Variants in ARPC1A observed in about 807,000 individuals in gnomAD.
ARPC1A encodes actin related protein 2/3 complex subunit 1A, also known as actin-related protein 2/3 complex subunit 1A.
In ARPC1A, 8 loss-of-function variants were observed where a neutral mutation model predicts 46.9. That is an observed-to-expected ratio of 0.17 (90% CI 0.10 to 0.31). The LOEUF (loss-of-function observed/expected upper bound fraction) is 0.31, where lower values mean the gene tolerates loss of function less well. ARPC1A is among the 10% of genes least tolerant of loss of function. The pLI, the probability that ARPC1A is intolerant of heterozygous loss-of-function variation, is 1.00. For synonymous variants in ARPC1A, 152 were observed against 169.0 expected, an observed-to-expected ratio of 0.90 and a Z score of 0.78; for missense variants, 286 against 483.6, an observed-to-expected ratio of 0.59 and a Z score of 3.83.
intron 4 of ARPC1A, among the ~76,000 whole-genome samples, chr7:99,345,306 G>A (rs944891604): frequency 1.3e-5 from 2 of 152,056 alleles, no homozygotes; most frequent in Non-Finnish European, 2.9e-5. Context: ...TTAAACTGTT[G>A]AAGTCAAAAC....
At chr7:99,344,917 G>A (rs1405956646) in intron 4 of ARPC1A, among the ~76,000 whole-genome samples, 1 of 29,596 alleles carries the variant, frequency 3.4e-5, no homozygotes, top group Admixed American at 3.5e-4. Context: ...AGATAACAAT[G>A]TTCTTTTTTT....
chr7:99,344,375 T>G lies in ARPC1A; in HGVS notation c.252T>G (p.Gly84=). The G allele has an allele frequency of 6.2e-7, 1 of 1,614,002 alleles. No individual in the cohort carries two copies. Among genetic ancestry groups the G allele is most frequent in the Non-Finnish European group, 8.5e-7 (1 of 1,179,878 alleles). ...CCTATGTCTGGAGTCAGAAAGATGG[T>G]GTTTGGAAGCCAACCCTGGTGATCC... The part of the protein sequence containing the change: ...RNAYVWSQKD[G]VWKPTLVILR... The change falls in exon 4 of 10, where the codon GGT becomes GGG. Residue 84 remains glycine (G), a synonymous_variant. Transcript: ENST00000262942.
chr7:99,345,608 A>G (rs1036395901), intron 4 of ARPC1A, among the ~76,000 whole-genome samples: 2 of 152,070 alleles, frequency 1.3e-5, no homozygotes, highest in Non-Finnish European at 2.9e-5. Context: ...CAGTGAGCCA[A>G]GATCGTGCCA....
At chr7:99,336,435 G>C (rs1793252351) in intron 2 of ARPC1A, among the ~76,000 whole-genome samples, 1 of 151,476 alleles carries the variant, frequency 6.6e-6, no homozygotes, top group Non-Finnish European at 1.5e-5. Flanking sequence ...GTGAGTGTAG[G>C]TGGGGACTAT....
At position 99,334,875 on chromosome 7, in the gene ARPC1A, G is replaced by A. The variant is rs556196138; in HGVS notation, c.64+1458G>A. Among the ~76,000 whole-genome samples the A allele has an allele frequency of 1.6e-4, 25 of 151,558 alleles. No individual in the cohort carries two copies. In the South Asian group the frequency reaches 4.4e-3, roughly 27 times the overall value. ...ATTTTTTTTTTTGAGACGCAGTCTC[G>A]CTCTGTCGCCCAGGCTGGAGTGCAG... is the stretch of plus-strand genomic sequence containing the variant. On this transcript the variant is annotated intron_variant, in intron 2 of 9. Transcript: ENST00000262942.
intron 7 of ARPC1A, 120 bp downstream of exon 7, chr7:99,358,535 A>ATT: frequency 6.8e-5 from 35 of 516,210 alleles, no homozygotes; most frequent in South Asian, 3.7e-4. Flanking sequence ...AACAGAGCTC[A>ATT]CTTTTTTTTT....
At chr7:99,358,504 G>A in intron 7 of ARPC1A, 89 bp downstream of exon 7, 4 of 1,005,710 alleles carry the variant, frequency 4.0e-6, no homozygotes, top group Non-Finnish European at 5.9e-6. Flanking sequence ...CTAGCACAAA[G>A]CAGAACAGTT....
At chr7:99,364,266 CTCTTT>C (rs1488261741) in intron 9 of ARPC1A, among the ~76,000 whole-genome samples, 7 of 136,710 alleles carry the variant, frequency 5.1e-5, no homozygotes, top group African/African-American at 1.8e-4. Flanking sequence ...GGAGATCTCT[CTCTTT>C]TTTTTTTTTT....
At chr7:99,364,021 A>T (rs1793784643) in intron 9 of ARPC1A, among the ~76,000 whole-genome samples, 1 of 151,804 alleles carries the variant, frequency 6.6e-6, no homozygotes, top group South Asian at 2.1e-4. Context: ...GCGGTGCAAT[A>T]TTGGCTCACT....
At chr7:99,350,631 C>CTTTTTT (rs540737612) in intron 5 of ARPC1A, among the ~76,000 whole-genome samples, 4 of 67,536 alleles carry the variant, frequency 5.9e-5, no homozygotes, top group Non-Finnish European at 9.3e-5. Context: ...ATGAGGTGCA[C>CTTTTTT]TTTTTTTTTT....
intron 1 of ARPC1A, 51 bp from the exon 2 acceptor site, chr7:99,333,274 A>G: frequency 8.8e-7 from 1 of 1,134,824 alleles, no homozygotes; most frequent in Non-Finnish European, 1.3e-6. Context: ...AACATTGGTT[A>G]CTTGCCTTTT....
At chr7:99,350,631 CTTTTTTTTTTTTTTTTTTT>C (rs540737612) in intron 5 of ARPC1A, among the ~76,000 whole-genome samples, 9 of 67,568 alleles carry the variant, frequency 1.3e-4, no homozygotes, top group African/African-American at 2.0e-4. Context: ...ATGAGGTGCA[CTTTTTTTTTTTTTTTTTTT>C]TTTTTTTTTT....
intron 6 of ARPC1A, among the ~76,000 whole-genome samples, chr7:99,356,028 T>C (rs1793622975): frequency 6.6e-6 from 1 of 152,186 alleles, no homozygotes; most frequent in Non-Finnish European, 1.5e-5. Context: ...GTTCAGTATA[T>C]GTTGGAGGAA....
At chr7:99,335,477 G>C (rs1313580359) in intron 2 of ARPC1A, 6 of 392,718 alleles carry the variant, frequency 1.5e-5, no homozygotes, top group South Asian at 1.1e-4. Context: ...GATTACTATA[G>C]CTTGGTGGTA....
At chr7:99,355,123 A>G (rs1316869858) in intron 6 of ARPC1A, among the ~76,000 whole-genome samples, 1 of 151,714 alleles carries the variant, frequency 6.6e-6, no homozygotes, top group Non-Finnish European at 1.5e-5. Flanking sequence ...TCAAAAAAAA[A>G]AAAAAAAAAT....
At chr7:99,341,609 C>CAA (rs36066986) in intron 3 of ARPC1A, among the ~76,000 whole-genome samples, 7 of 87,314 alleles carry the variant, frequency 8.0e-5, no homozygotes, top group Non-Finnish European at 1.2e-4. Context: ...AACTCTGTCT[C>CAA]AAAAAAAAAA....
intron 5 of ARPC1A, 131 bp from the exon 6 acceptor site, chr7:99,353,778 T>C: frequency 2.2e-6 from 2 of 917,174 alleles, no homozygotes; most frequent in Non-Finnish European, 3.2e-6. Flanking sequence ...CGTGCCCAGC[T>C]CATGTTTTAT....
At chr7:99,342,915 G>C (rs941458411) in intron 3 of ARPC1A, among the ~76,000 whole-genome samples, 1 of 151,494 alleles carries the variant, frequency 6.6e-6, no homozygotes, top group Non-Finnish European at 1.5e-5. Context: ...ATAGGGACAG[G>C]GTTTCACCGT....
intron 2 of ARPC1A, chr7:99,335,317 A>T (rs1395886069): frequency 1.1e-5 from 4 of 377,606 alleles, no homozygotes; most frequent in Non-Finnish European, 1.5e-5. Flanking sequence ...TTTTTCCTGC[A>T]CCTTTTGTTG....
Sources: allele counts gnomAD v4.1 joint callset (sites outside exome capture counted in the v4.1 genomes callset), GRCh38; gene constraint gnomAD v4.1.1; transcripts MANE v1.5; gene names NCBI Gene and HGNC (gene_info 2026-07-23, HGNC 2026-07-21).